Variants in ARHGEF3 observed in about 807,000 individuals in gnomAD.
The protein encoded by ARHGEF3 is Rho guanine nucleotide exchange factor 3.
A neutral mutation model predicts 63.2 loss-of-function variants in ARHGEF3; 28 were observed. That is an observed-to-expected ratio of 0.44 (90% CI 0.33 to 0.61). ARHGEF3 has a LOEUF of 0.61. Among genes scored for constraint, ARHGEF3 ranks in the 20% least tolerant of loss-of-function variants. The probability of loss-of-function intolerance (pLI) is 0.03; values close to 1 mark genes in which losing one functional copy is unlikely to be tolerated. For missense variants in ARHGEF3, 533 were observed against 659.3 expected (o/e 0.81, Z 2.10); for synonymous variants, 266 against 254.2 (o/e 1.05, Z -0.44).
chr3:56,872,362 C>A (rs545653863), intron 4 of ARHGEF3, among the ~76,000 whole-genome samples: 1 of 152,262 alleles, frequency 6.6e-6, no homozygotes, highest in East Asian at 1.9e-4. Context: ...AGGAGCATAA[C>A]GTATATAGCA....
chr3:57,018,436 G>C (rs1703115066), intron 2 of ARHGEF3, among the ~76,000 whole-genome samples: 1 of 152,126 alleles, frequency 6.6e-6, no homozygotes, highest in Non-Finnish European at 1.5e-5. Context: ...TACTCTATAA[G>C]GTAGGTCCTA....
At chr3:57,051,322 T>A (rs1704659446) in intron 1 of ARHGEF3, among the ~76,000 whole-genome samples, 1 of 151,970 alleles carries the variant, frequency 6.6e-6, no homozygotes, top group Non-Finnish European at 1.5e-5. Flanking sequence ...ACCCCATCTC[T>A]ACTAAAAATA....
At chr3:57,048,303 C>T (rs969684582) in intron 1 of ARHGEF3, among the ~76,000 whole-genome samples, 5 of 152,184 alleles carry the variant, frequency 3.3e-5, no homozygotes, top group African/African-American at 7.2e-5. Context: ...AGTCACATGT[C>T]CACCATCAAT....
At chr3:56,922,181 A>C (rs1232700844) in intron 3 of ARHGEF3, among the ~76,000 whole-genome samples, 2 of 152,130 alleles carry the variant, frequency 1.3e-5, no homozygotes, top group East Asian at 3.8e-4. Flanking sequence ...CACCTGAAGA[A>C]TTTCTGCATG....
intron 1 of ARHGEF3, among the ~76,000 whole-genome samples, chr3:56,774,422 G>T (rs1290747762): frequency 3.3e-5 from 5 of 152,084 alleles, no homozygotes; most frequent in African/African-American, 1.2e-4. Context: ...GACGGCAAAA[G>T]AAAATGTATA....
chr3:56,857,420 G>A (rs542641802), intron 4 of ARHGEF3, among the ~76,000 whole-genome samples: 19 of 152,276 alleles, frequency 1.2e-4, no homozygotes, highest in African/African-American at 4.3e-4. Flanking sequence ...GAACTTATTT[G>A]CTGGAAAAGG....
At position 56,729,463 on chromosome 3, in the gene ARHGEF3, G is replaced by A. The variant is rs2032955779; in HGVS notation, c.1388C>T (p.Ser463Phe). ...GGTGGGATTTAGGAACGATCCCTCGGAGTCAAGCACCCCAGCTTGCCCGGC... is the reference window on the plus strand; with the variant it reads ...GGTGGGATTTAGGAACGATCCCTCGAAGTCAAGCACCCCAGCTTGCCCGGC... Reference protein sequence around the residue: ...CAAGQAGVLDSEGSFLNPTTG... With the variant: ...CAAGQAGVLDFEGSFLNPTTG... Residue 463 changes from serine (S) to phenylalanine (F), a missense_variant, in exon 10 of 10, where the codon TCC (serine) becomes TTC (phenylalanine). Transcript: ENST00000296315. The A allele has an allele frequency of 6.2e-7, 1 of 1,614,048 alleles. No individual in the cohort carries two copies. The highest frequency in any genetic ancestry group is 8.5e-7 in the Non-Finnish European group (1 of 1,180,036).
intron 2 of ARHGEF3, among the ~76,000 whole-genome samples, chr3:56,991,426 C>T (rs569478297): frequency 4.6e-5 from 7 of 152,234 alleles, no homozygotes; most frequent in African/African-American, 1.4e-4. Context: ...CTATCTACAC[C>T]CCGAGTCTGC....
At chr3:56,801,304 C>CGACACTGGGGCTTGCTGACACTTCCCT (rs1478297755) in intron 1 of ARHGEF3, among the ~76,000 whole-genome samples, 4 of 152,166 alleles carry the variant, frequency 2.6e-5, no homozygotes, top group Non-Finnish European at 5.9e-5. Flanking sequence ...TAAAGGGTAG[C>CGACACTGGGGCTTGCTGACACTTCCCT]GACACTGGGG....
chr3:56,946,824 G>T (rs886555536), intron 3 of ARHGEF3, among the ~76,000 whole-genome samples: 153 of 152,258 alleles, frequency 1.0e-3, no homozygotes, highest in African/African-American at 3.5e-3. Flanking sequence ...ACACATAATT[G>T]TAAGATTCAC....
chr3:56,909,050 G>C (rs183992485), intron 3 of ARHGEF3, among the ~76,000 whole-genome samples: 167 of 152,258 alleles, frequency 1.1e-3, no homozygotes, highest in Middle Eastern at 6.8e-3. Flanking sequence ...CCCTGGACCT[G>C]ACACTGGCAT....
At chr3:57,009,092 C>A (rs1382253473) in intron 2 of ARHGEF3, among the ~76,000 whole-genome samples, 1 of 152,202 alleles carries the variant, frequency 6.6e-6, no homozygotes, top group Non-Finnish European at 1.5e-5. Context: ...TGGCCCAAGC[C>A]ATTGCTCTCA....
chr3:56,953,978 C>A (rs1049179262), intron 3 of ARHGEF3, among the ~76,000 whole-genome samples: 1 of 152,142 alleles, frequency 6.6e-6, no homozygotes, highest in Non-Finnish European at 1.5e-5. Flanking sequence ...ACCCAGAGTC[C>A]TGACTAATAT....
chr3:57,017,005 GTCTC>G lies in ARHGEF3; in HGVS notation c.62+18079_62+18082del, dbSNP rs370663400. Among the ~76,000 whole-genome samples, 370 of 129,108 alleles carry G rather than the reference GTCTC, an allele frequency of 2.9e-3. 1 individual carries two copies. Among genetic ancestry groups the G allele is most frequent in the Non-Finnish European group, 4.1e-3 (258 of 63,082 alleles). 84.7% of individuals were successfully genotyped at this position (129,108 alleles called of 152,430 possible). A position where few individuals can be genotyped will look rare whatever the true frequency, so the allele number is the denominator to read the frequency against. ...GGAGAGAGAGGAAAGCTTTCTCTCT[GTCTC>G]TCTCTCTCTCTCTCTCTCTCTCTCA... On this transcript the variant is annotated intron_variant, in intron 2 of 12. Coordinates refer to the ARHGEF3 transcript ENST00000338458.
At chr3:56,992,387 A>C (rs1701787623) in intron 2 of ARHGEF3, among the ~76,000 whole-genome samples, 3 of 103,386 alleles carry the variant, frequency 2.9e-5, no homozygotes, top group African/African-American at 5.3e-5. Context: ...AAAAAAAAAA[A>C]AAAAAAAAAA....
chr3:56,857,969 T>C (rs565885722), intron 4 of ARHGEF3, among the ~76,000 whole-genome samples: 1 of 152,222 alleles, frequency 6.6e-6, no homozygotes, highest in South Asian at 2.1e-4. Context: ...AGTTTCTTGG[T>C]TTAGCAGCTC....
In ARHGEF3 at chr3:56,899,159, G is replaced by C. The variant is rs145505651; in HGVS notation, c.130-16805C>G. Among the ~76,000 whole-genome samples, 74 of 152,338 alleles carry C rather than the reference G, an allele frequency of 4.9e-4. No homozygotes were observed. The East Asian group carries it at 0.013, about 27-fold the overall frequency. ...CTCCTCCCCTCATTGATGGAAAGGG[G>C]CTCCTCAGGATGTTAGCTTCCCTGG... On this transcript the variant is annotated intron_variant, in intron 3 of 12. Coordinates refer to the ARHGEF3 transcript ENST00000338458.
intron 4 of ARHGEF3, among the ~76,000 whole-genome samples, chr3:56,856,610 C>T (rs1407833433): frequency 1.3e-5 from 2 of 151,360 alleles, no homozygotes; most frequent in African/African-American, 4.9e-5. Context: ...CCTCCCTCCT[C>T]TGCTACAGCC....
At chr3:57,073,736 G>A in intron 1 of ARHGEF3, 3 of 1,614,226 alleles carry the variant, frequency 1.9e-6, no homozygotes, top group Admixed American at 3.3e-5. Context: ...CCTTAGAAAA[G>A]TCAGGAGACA....
Sources: allele counts gnomAD v4.1 joint callset (sites outside exome capture counted in the v4.1 genomes callset), GRCh38; gene constraint gnomAD v4.1.1; transcripts MANE v1.5; gene names NCBI Gene and HGNC (gene_info 2026-07-23, HGNC 2026-07-21).